Variants in TANGO6 observed in about 807,000 individuals in gnomAD.
TANGO6 encodes the protein transport and golgi organization 6 homolog, also known as transport and Golgi organization protein 6 homolog.
A neutral mutation model predicts 114.2 loss-of-function variants in TANGO6; 90 were observed. That is an observed-to-expected ratio of 0.79 (90% CI 0.66 to 0.94). TANGO6 has a LOEUF of 0.94. Ranked by LOEUF, TANGO6 falls within the 40% of genes least tolerant of loss-of-function variation. The pLI, the probability that TANGO6 is intolerant of heterozygous loss-of-function variation, is 0.00. For missense variants in TANGO6, 1,274 were observed against 1,315.3 expected (o/e 0.97, Z 0.49); for synonymous variants, 477 against 509.8 (o/e 0.94, Z 0.87).
At chr16:68,970,757 TA>T (rs1194442167) in intron 14 of TANGO6, among the ~76,000 whole-genome samples, 1 of 152,094 alleles carries the variant, frequency 6.6e-6, no homozygotes, top group Non-Finnish European at 1.5e-5. Context: ...ATCAAAGTTT[TA>T]TAAAGCAAAT....
Position 69,022,913 on chromosome 16 carries a change from C to T in TANGO6, c.2928C>T (p.Ser976=), listed in dbSNP as rs1408577457. 1.4e-5 allele frequency: 22 copies of T among 1,602,674 alleles called. No individual in the cohort carries two copies. The highest frequency in any genetic ancestry group is 1.9e-5 in the Non-Finnish European group (22 of 1,174,580). ...ATCCTGATGGTGCTCACAGGGCCAG[C>T]AGCTTGGCCAACCTTGGGGAGCTGT... is the stretch of plus-strand genomic sequence containing the variant. ...VRDPDGAHRA[S]SLANLGELCQ... Residue 976 remains serine (S), a synonymous_variant, in exon 16 of 18, where the codon AGC becomes AGT. Coordinates refer to ENST00000261778, the MANE Select transcript of TANGO6 (RefSeq NM_024562.2).
chr16:68,967,527 A>G (rs1223413978), intron 14 of TANGO6, among the ~76,000 whole-genome samples: 1 of 152,180 alleles, frequency 6.6e-6, no homozygotes, highest in Non-Finnish European at 1.5e-5. Flanking sequence ...TTTCGTAACT[A>G]TTAGCAGTCA....
chr16:69,010,669 A>C (rs1024343428), intron 15 of TANGO6, among the ~76,000 whole-genome samples: 3 of 152,060 alleles, frequency 2.0e-5, no homozygotes, highest in Admixed American at 6.6e-5. Context: ...TCCTCCATGA[A>C]ATCTTCCCCA....
chr16:69,045,841 G>A (rs1263596768), intron 17 of TANGO6, among the ~76,000 whole-genome samples: 2 of 151,668 alleles, frequency 1.3e-5, no homozygotes, highest in Non-Finnish European at 2.9e-5. Context: ...TGAGGCGGGT[G>A]GATCACGAGG....
chr16:68,990,453 C>T (rs901852981), intron 15 of TANGO6, among the ~76,000 whole-genome samples: 3 of 152,082 alleles, frequency 2.0e-5, no homozygotes, highest in Admixed American at 1.3e-4. Context: ...TGGGGGAAAC[C>T]GCCCCCATGA....
At chr16:69,046,607 A>C (rs1274426842) in intron 17 of TANGO6, among the ~76,000 whole-genome samples, 1 of 152,096 alleles carries the variant, frequency 6.6e-6, no homozygotes, top group East Asian at 1.9e-4. Flanking sequence ...GGCATGAGCC[A>C]CCGCACCTGG....
intron 14 of TANGO6, among the ~76,000 whole-genome samples, chr16:68,939,072 C>CAAA (rs752047565): frequency 3.5e-5 from 2 of 57,006 alleles, no homozygotes; most frequent in African/African-American, 1.4e-4. Context: ...ACCCTGTCCC[C>CAAA]AAAAAAAAAA....
At chr16:68,867,894 C>T in intron 4 of TANGO6, 1 of 151,484 alleles carries the variant, frequency 6.6e-6, no homozygotes, top group Non-Finnish European at 1.5e-5. Flanking sequence ...GTAATCCCAG[C>T]ACTTTGGGAG....
chr16:69,049,869 C>A (rs1426388918), intron 17 of TANGO6, among the ~76,000 whole-genome samples: 3 of 152,076 alleles, frequency 2.0e-5, no homozygotes, highest in Non-Finnish European at 4.4e-5. Context: ...GCATGAGCCA[C>A]CACACCCTGC....
intron 6 of TANGO6, among the ~76,000 whole-genome samples, chr16:68,879,686 G>A (rs922058310): frequency 2.0e-5 from 3 of 148,920 alleles, no homozygotes; most frequent in East Asian, 2.0e-4. Context: ...GCATGATCTC[G>A]GCTCACTGCA....
At chr16:68,867,568 G>A (rs761517823) in intron 4 of TANGO6, 68 of 197,262 alleles carry the variant, frequency 3.4e-4, no homozygotes, top group Non-Finnish European at 6.3e-4. Context: ...GGCCGGGCGC[G>A]GTGGCTCACG....
At chr16:69,082,406 T>A (rs1309376549) in intron 17 of TANGO6, among the ~76,000 whole-genome samples, 1 of 151,628 alleles carries the variant, frequency 6.6e-6, no homozygotes, top group Non-Finnish European at 1.5e-5. Context: ...ACCGGCCTGG[T>A]GACAGATTTT....
chr16:68,990,678 A>G (rs1406895487), intron 15 of TANGO6, among the ~76,000 whole-genome samples: 4 of 152,158 alleles, frequency 2.6e-5, no homozygotes, highest in Non-Finnish European at 5.9e-5. Context: ...AAGTGCTGAG[A>G]TTATAGGCAT....
chr16:68,982,249 G>A (rs1963842980), intron 15 of TANGO6, among the ~76,000 whole-genome samples: 1 of 152,078 alleles, frequency 6.6e-6, no homozygotes, highest in Non-Finnish European at 1.5e-5. Flanking sequence ...AAACTCCTAG[G>A]GGCCTCATTA....
chr16:68,896,868 G>C (rs1353677445), intron 7 of TANGO6, among the ~76,000 whole-genome samples: 1 of 152,078 alleles, frequency 6.6e-6, no homozygotes, highest in Non-Finnish European at 1.5e-5. Context: ...GAACTTGGTA[G>C]ATACTAGTTG....
rs539254993 is a variant in TANGO6, at chr16:68,899,205, T to C, written c.1378-1229T>C. 3.3e-5 allele frequency among the ~76,000 whole-genome samples: 5 copies of C among 152,206 alleles called. No individual in the cohort carries two copies. In the South Asian group the frequency reaches 1.0e-3, roughly 32 times the overall value. On this transcript the variant is annotated intron_variant, in intron 7 of 17. Transcript: ENST00000261778. Reference sequence around the variant, plus strand: ...GGGAATATCACTCGAGCTTGGAGATTGAGGCTGCAGTGAGCTGTGATTGCA... The same window carrying C: ...GGGAATATCACTCGAGCTTGGAGATCGAGGCTGCAGTGAGCTGTGATTGCA...
intron 14 of TANGO6, among the ~76,000 whole-genome samples, chr16:68,950,614 A>C (rs532329039): frequency 4.1e-4 from 62 of 151,906 alleles, no homozygotes; most frequent in South Asian, 1.5e-3. Context: ...TAGTCCCAGC[A>C]CTTTGGGAGG....
chr16:68,896,996 T>A (rs868191767), intron 7 of TANGO6, among the ~76,000 whole-genome samples: 2 of 151,986 alleles, frequency 1.3e-5, no homozygotes, highest in South Asian at 4.2e-4. Flanking sequence ...CTCCACCTCC[T>A]GGGTTCAAGC....
chr16:69,005,525 C>G (rs1033589674), intron 15 of TANGO6, among the ~76,000 whole-genome samples: 1 of 152,142 alleles, frequency 6.6e-6, no homozygotes, highest in African/African-American at 2.4e-5. Context: ...GGCACGGTGG[C>G]TCATGCCTGT....
Sources: gnomAD v4.1 joint callset for allele counts (sites outside exome capture counted in the v4.1 genomes callset) on GRCh38, gnomAD v4.1.1 for gene constraint, MANE v1.5 for transcripts, NCBI Gene and HGNC (gene_info 2026-07-23, HGNC 2026-07-21) for gene names.